The following DGKB variants were observed in gnomAD, a reference collection of about 807,000 sequenced individuals.
DGKB encodes the protein 90 kDa diacylglycerol kinase.
Under a neutral mutation model 114.3 loss-of-function variants are expected in DGKB, and 67 were observed. The ratio of observed to expected loss-of-function variants is 0.59; its 90% CI spans 0.48 to 0.72. DGKB has a LOEUF of 0.72. Among genes scored for constraint, DGKB ranks in the 30% least tolerant of loss-of-function variants. The pLI is 0.00. For synonymous variants in DGKB, 398 were observed against 323.1 expected, an observed-to-expected ratio of 1.23 and a Z score of -2.49; for missense variants, 907 against 975.2, an observed-to-expected ratio of 0.93 and a Z score of 0.93.
chr7:14,861,146 T>C (rs1850920234), intron 1 of DGKB, among the ~76,000 whole-genome samples: 1 of 151,940 alleles, frequency 6.6e-6, no homozygotes, highest in South Asian at 2.1e-4. Context: ...CCACTGAAAT[T>C]CTCTGACCAC....
chr7:14,177,546 C>A, intron 24 of DGKB, among the ~76,000 whole-genome samples: 1 of 67,552 alleles, frequency 1.5e-5, no homozygotes, highest in African/African-American at 5.7e-5. Flanking sequence ...AAGAGTGAAA[C>A]TCCGTCTCAA....
At chr7:14,565,613 A>G (rs1797276527) in intron 20 of DGKB, among the ~76,000 whole-genome samples, 2 of 152,194 alleles carry the variant, frequency 1.3e-5, no homozygotes, top group African/African-American at 4.8e-5. Flanking sequence ...AGCCCATCTC[A>G]GTAAATGAGA....
At chr7:14,791,683 T>C (rs574361034) in intron 2 of DGKB, among the ~76,000 whole-genome samples, 19 of 152,240 alleles carry the variant, frequency 1.2e-4, no homozygotes, top group African/African-American at 4.3e-4. Context: ...GTTAATATAA[T>C]TATGAAATTT....
chr7:14,927,666 C>A (rs1042520368), intron 1 of DGKB, among the ~76,000 whole-genome samples: 2 of 151,872 alleles, frequency 1.3e-5, no homozygotes, highest in African/African-American at 4.8e-5. Flanking sequence ...GAAAAATATA[C>A]CTTTTTCAAT....
At chr7:14,780,017 C>T (rs1248887810) in intron 2 of DGKB, among the ~76,000 whole-genome samples, 1 of 151,930 alleles carries the variant, frequency 6.6e-6, no homozygotes, top group Non-Finnish European at 1.5e-5. Context: ...AATTTTGTTG[C>T]TGGGTGCATG....
chr7:14,374,507 C>T (rs899254177), intron 21 of DGKB, among the ~76,000 whole-genome samples: 27 of 152,298 alleles, frequency 1.8e-4, no homozygotes, highest in Middle Eastern at 3.4e-3. Context: ...GCCAACTCCA[C>T]CTGTCTCCTA....
At chr7:14,696,481 G>A (rs1823929214) in intron 8 of DGKB, among the ~76,000 whole-genome samples, 1 of 123,830 alleles carries the variant, frequency 8.1e-6, no homozygotes, top group South Asian at 2.7e-4. Context: ...CGGCCTGGGC[G>A]ACAGAGCGAG....
chr7:14,772,040 G>C (rs141703156), intron 2 of DGKB, among the ~76,000 whole-genome samples: 1 of 152,024 alleles, frequency 6.6e-6, no homozygotes, highest in Non-Finnish European at 1.5e-5. Flanking sequence ...AATTTACCTA[G>C]AGCCTAGAAG....
intron 23 of DGKB, among the ~76,000 whole-genome samples, chr7:14,278,970 G>C (rs915867255): frequency 6.6e-6 from 1 of 152,132 alleles, no homozygotes; most frequent in East Asian, 1.9e-4. Flanking sequence ...TCTGAGATAC[G>C]GGGTTCATCT....
intron 4 of DGKB, among the ~76,000 whole-genome samples, chr7:14,744,236 A>G (rs757037610): frequency 6.6e-6 from 1 of 152,196 alleles, no homozygotes; most frequent in Non-Finnish European, 1.5e-5. Context: ...GAGTATTCTT[A>G]ACTTATGGCA....
chr7:14,346,791 T>G (rs1812545941), intron 21 of DGKB, among the ~76,000 whole-genome samples: 1 of 152,022 alleles, frequency 6.6e-6, no homozygotes, highest in Non-Finnish European at 1.5e-5. Flanking sequence ...TTAAAATATT[T>G]TGCTATTGAG....
At chr7:14,644,651 A>C (rs967339711) in intron 13 of DGKB, among the ~76,000 whole-genome samples, 3 of 152,108 alleles carry the variant, frequency 2.0e-5, no homozygotes, top group East Asian at 1.9e-4. Flanking sequence ...GTCACACACA[A>C]AAAAAAGAGA....
intron 13 of DGKB, among the ~76,000 whole-genome samples, chr7:14,640,303 T>C (rs1331605895): frequency 6.6e-6 from 1 of 152,184 alleles, no homozygotes; most frequent in African/African-American, 2.4e-5. Flanking sequence ...CAGAGAATAC[T>C]AGAATGAAAG....
intron 13 of DGKB, among the ~76,000 whole-genome samples, chr7:14,648,312 T>A (rs1319830309): frequency 1.3e-5 from 2 of 152,164 alleles, no homozygotes; most frequent in Non-Finnish European, 2.9e-5. Context: ...ACGGGCAGAC[T>A]GCCTCCTCAA....
At chr7:14,269,048 C>T (rs1021429572) in intron 23 of DGKB, 1 of 152,172 alleles carries the variant, frequency 6.6e-6, no homozygotes, top group African/African-American at 2.4e-5. Flanking sequence ...TTGGGCTGAT[C>T]TGATTCCATG....
intron 23 of DGKB, among the ~76,000 whole-genome samples, chr7:14,275,464 AT>A (rs925232342): frequency 2.6e-5 from 4 of 152,010 alleles, no homozygotes; most frequent in East Asian, 3.9e-4. Flanking sequence ...ATCTTTCCAC[AT>A]TTTTTTTCCT....
chr7:14,332,389 C>A (rs1402483298), intron 23 of DGKB, among the ~76,000 whole-genome samples: 3 of 151,444 alleles, frequency 2.0e-5, no homozygotes, highest in African/African-American at 7.3e-5. Context: ...ATGCCGCCTT[C>A]GTGGAATGTG....
intron 13 of DGKB, among the ~76,000 whole-genome samples, chr7:14,648,095 A>T (rs983514020): frequency 2.6e-5 from 4 of 152,236 alleles, no homozygotes; most frequent in African/African-American, 9.6e-5. Context: ...CCCAGGCTTG[A>T]TTAGGTAAAC....
chr7:14,464,699 A>T (rs1833578212), intron 21 of DGKB, among the ~76,000 whole-genome samples: 1 of 152,200 alleles, frequency 6.6e-6, no homozygotes, highest in African/African-American at 2.4e-5. Flanking sequence ...AAAAAGTTTC[A>T]GTAGAAGATG....
Sources: allele counts gnomAD v4.1 joint callset (sites outside exome capture counted in the v4.1 genomes callset), GRCh38; gene constraint gnomAD v4.1.1; transcripts MANE v1.5; gene names NCBI Gene and HGNC (gene_info 2026-07-23, HGNC 2026-07-21).